The following KIF27 variants were observed in gnomAD, a reference collection of about 807,000 sequenced individuals.
The protein encoded by KIF27 is kinesin-like protein KIF27.
In KIF27, 84 loss-of-function variants were observed where a neutral mutation model predicts 141.8. The observed-to-expected ratio is 0.59, with a 90% CI of 0.50 to 0.71. The LOEUF is 0.71. Among genes scored for constraint, KIF27 ranks in the 30% least tolerant of loss-of-function variants. The probability of loss-of-function intolerance (pLI) is 0.00; values close to 1 mark genes in which losing one functional copy is unlikely to be tolerated. For missense variants in KIF27, 1,306 were observed against 1,628.4 expected (o/e 0.80, Z 3.41); for synonymous variants, 471 against 569.5 (o/e 0.83, Z 2.46).
chr9:83,855,711 T>C (rs1223090597), intron 14 of KIF27, among the ~76,000 whole-genome samples: 2 of 152,228 alleles, frequency 1.3e-5, no homozygotes, highest in African/African-American at 4.8e-5. Flanking sequence ...ATGGTGTCTC[T>C]TAAAGTCACA....
intron 1 of KIF27, among the ~76,000 whole-genome samples, chr9:83,918,703 G>C (rs1363993149): frequency 6.6e-6 from 1 of 152,136 alleles, no homozygotes; most frequent in African/African-American, 2.4e-5. Context: ...AATTTTAGGA[G>C]ACTGAGGTGG....
chr9:83,893,649 C>G (rs1952893373), intron 5 of KIF27, among the ~76,000 whole-genome samples: 2 of 150,316 alleles, frequency 1.3e-5, no homozygotes, highest in Admixed American at 6.6e-5. Flanking sequence ...CTTGCACTCA[C>G]AAAGAAGAGA....
rs1952327494 is a variant in KIF27 at position 83,888,427 on chromosome 9, T to C, written c.2083+62A>G. 7.2e-6 allele frequency: 5 copies of C among 693,706 alleles called. No homozygotes were observed. In the South Asian group the frequency reaches 1.6e-4, roughly 22 times the overall value. The allele number at this position is 693,706 out of a possible 1,614,324, so 43.0% of individuals were successfully genotyped here. ...CCTGGATGTTTCTTAAATTATCAAC[T>C]GAGGAAAAAGATAAGTGTCCTATAA... On this transcript the variant is annotated intron_variant, in intron 8 of 17. Coordinates refer to ENST00000297814, the MANE Select transcript of KIF27 (RefSeq NM_017576.4).
intron 5 of KIF27, among the ~76,000 whole-genome samples, chr9:83,896,974 G>A (rs1459523637): frequency 1.3e-5 from 2 of 152,084 alleles, no homozygotes; most frequent in African/African-American, 4.8e-5. Context: ...TTCATTTTGG[G>A]TTGATAAAAA....
At chr9:83,911,999 T>G (rs1230671197) in intron 2 of KIF27, among the ~76,000 whole-genome samples, 1 of 152,186 alleles carries the variant, frequency 6.6e-6, no homozygotes, top group East Asian at 1.9e-4. Context: ...TTAGTATATT[T>G]GATGCTGCAG....
chr9:83,852,444 C>T (rs2131723014), intron 15 of KIF27, among the ~76,000 whole-genome samples: 1 of 147,072 alleles, frequency 6.8e-6, no homozygotes, highest in South Asian at 2.2e-4. Context: ...CAGAGCGAGA[C>T]TCTGTCTCAA....
Position 83,870,555 on chromosome 9 carries a change from C to T in KIF27, c.2721G>A (p.Arg907=), listed in dbSNP as rs143895857. ...AEDLDACNLK[R]RKGSFGSIDH... ...CTATACTTCCAAACGAACCTTTTCT[C>T]CTTTTCAAGTTACATGCATCAAGGT... The change falls in exon 12 of 18, where the codon AGG becomes AGA. Residue 907 remains arginine (R), a synonymous_variant. Transcript: ENST00000297814. 13 of 1,613,770 alleles carry T rather than the reference C, an allele frequency of 8.1e-6. No individual in the cohort carries two copies. The highest frequency in any genetic ancestry group is 6.7e-5 in the African/African-American group (5 of 74,900).
At chr9:83,898,516 T>C (rs1563978307) in intron 5 of KIF27, among the ~76,000 whole-genome samples, 1 of 152,190 alleles carries the variant, frequency 6.6e-6, no homozygotes, top group African/African-American at 2.4e-5. Context: ...ATAATAATTG[T>C]AAGGAGGCAC....
Position 83,887,093 on chromosome 9 carries a change from A to C in KIF27, c.2187T>G (p.Leu729=). The change falls in exon 9 of 18, where the codon CTT becomes CTG. Residue 729 remains leucine, a synonymous_variant. Coordinates refer to ENST00000297814, the MANE Select transcript of KIF27 (RefSeq NM_017576.4). The part of the protein sequence containing the change: ...LTEAKQKMRE[L]TINIKMKEDL... Reference sequence around the variant, plus strand: ...CTTCCTTCATCTTGATGTTAATTGTAAGTTCTCTCATTTTTTGTTTAGCTT... The same window carrying C: ...CTTCCTTCATCTTGATGTTAATTGTCAGTTCTCTCATTTTTTGTTTAGCTT... The C allele has an allele frequency of 2.5e-6, 4 of 1,600,698 alleles. No homozygotes were observed. The highest frequency in any genetic ancestry group is 1.7e-4 in the Middle Eastern group (1 of 5,992).
chr9:83,896,280 T>C (rs1333616843), intron 5 of KIF27, among the ~76,000 whole-genome samples: 1 of 152,104 alleles, frequency 6.6e-6, no homozygotes, highest in African/African-American at 2.4e-5. Context: ...TCCAAAAAGT[T>C]TGGATCTTTT....
chr9:83,908,794 C>G (rs1954845756), intron 2 of KIF27, 142 bp from the exon 3 acceptor site: 3 of 436,598 alleles, frequency 6.9e-6, no homozygotes, highest in Admixed American at 4.2e-5. Context: ...GAGTCTTGCT[C>G]TGTTGCCCAG....
rs1945821276 is a variant in KIF27 at position 83,836,266 on chromosome 9, A to G, written c.*735T>C. ...TTAGAATGCTTTAGTTTTATTCTATAATTTCCGTGTTCCATGGAACAGCAT... is the reference window on the plus strand; with the variant it reads ...TTAGAATGCTTTAGTTTTATTCTATGATTTCCGTGTTCCATGGAACAGCAT... On this transcript the variant is annotated 3_prime_UTR_variant, in exon 18 of 18. Coordinates refer to ENST00000297814, the MANE Select transcript of KIF27 (RefSeq NM_017576.4). 6.6e-6 allele frequency among the ~76,000 whole-genome samples: 1 copy of G among 152,164 alleles called. No homozygotes were observed. Among genetic ancestry groups the G allele is most frequent in the Admixed American group, 6.5e-5 (1 of 15,274 alleles).
intron 11 of KIF27, among the ~76,000 whole-genome samples, chr9:83,878,020 C>T (rs764166554): frequency 3.3e-5 from 5 of 151,580 alleles, no homozygotes; most frequent in East Asian, 1.9e-4. Flanking sequence ...AAAAATTAGC[C>T]GGGCGTGGTG....
At position 83,903,241 on chromosome 9, in the gene KIF27, T is replaced by C. The variant is rs1179085000; in HGVS notation, c.1277A>G (p.Lys426Arg). Residue 426 changes from lysine to arginine, a missense_variant, in exon 4 of 18, where the codon AAA becomes AGA. By Grantham distance (26) the Lys-to-Arg change is conservative. Coordinates refer to ENST00000297814, the MANE Select transcript of KIF27 (RefSeq NM_017576.4). ...CTTTTCGTTTAGTCTGACAGTATCT[T>C]TTAGGTCAACCAGGAAGGTAAAGGC... ...EEAFTFLVDL[K>R]DTVRLNEKQQ... 1.2e-6 allele frequency: 2 copies of C among 1,614,044 alleles called. No individual in the cohort carries two copies. The highest frequency in any genetic ancestry group is 1.7e-6 in the Non-Finnish European group (2 of 1,180,056).
intron 5 of KIF27, among the ~76,000 whole-genome samples, chr9:83,897,816 G>A (rs2132482581): frequency 6.6e-6 from 1 of 151,976 alleles, no homozygotes; most frequent in East Asian, 1.9e-4. Flanking sequence ...CACAAAGGAG[G>A]ATATCCAAAT....
chr9:83,848,134 T>G (rs369762030), intron 16 of KIF27, among the ~76,000 whole-genome samples: 1 of 68,640 alleles, frequency 1.5e-5, no homozygotes, highest in Non-Finnish European at 2.5e-5. Context: ...TGATATCTCA[T>G]ATATGATATA....
Position 83,915,546 on chromosome 9 carries a change from G to A in KIF27, c.46C>T (p.Leu16Phe). ...VKVAVRIRPL[L>F]CKEALHNHQV... ...TGATTATGAAGAGCTTCTTTGCAAA[G>A]CAGAGGTCTAATTCTTACAGCAACT... The change falls in exon 2 of 18, where the codon CTT becomes TTT. Residue 16 changes from leucine to phenylalanine, a missense_variant. Coordinates refer to ENST00000297814, the MANE Select transcript of KIF27 (RefSeq NM_017576.4). 6.2e-7 allele frequency: 1 copy of A among 1,613,280 alleles called. No homozygotes were observed. The highest frequency in any genetic ancestry group is 8.5e-7 in the Non-Finnish European group (1 of 1,179,694).
chr9:83,851,738 G>A (rs1240806355), intron 15 of KIF27, among the ~76,000 whole-genome samples: 1 of 152,074 alleles, frequency 6.6e-6, no homozygotes, highest in Non-Finnish European at 1.5e-5. Context: ...CACAGAACTT[G>A]TTAATAATCT....
Position 83,870,011 on chromosome 9 carries a change from C to A in KIF27, c.2757+508G>T, listed in dbSNP as rs189854170. Among the ~76,000 whole-genome samples, 915 of 152,118 alleles carry A rather than the reference C, an allele frequency of 6.0e-3. 21 individuals are homozygous for A. Among genetic ancestry groups the A allele is most frequent in the Non-Finnish European group, 1.8e-3 (122 of 67,994 alleles). ...CATGTAACAAACCTGCATGTGTATCCCTGAATCTAAAATTTAAGAAAAGAA... is the reference window on the plus strand; with the variant it reads ...CATGTAACAAACCTGCATGTGTATCACTGAATCTAAAATTTAAGAAAAGAA... On this transcript the variant is annotated intron_variant, in intron 12 of 17. Coordinates refer to ENST00000297814, the MANE Select transcript of KIF27 (RefSeq NM_017576.4).
Sources: gnomAD v4.1 joint callset for allele counts (sites outside exome capture counted in the v4.1 genomes callset) on GRCh38, gnomAD v4.1.1 for gene constraint, MANE v1.5 for transcripts, NCBI Gene and HGNC (gene_info 2026-07-23, HGNC 2026-07-21) for gene names.